RANBP2: variants seen among roughly 807,000 people sequenced by gnomAD.
RANBP2 encodes the protein RAN binding protein 2.
A neutral mutation model predicts 303.6 loss-of-function variants in RANBP2; 57 were observed. The ratio of observed to expected loss-of-function variants is 0.19; its 90% CI spans 0.15 to 0.23. The LOEUF (loss-of-function observed/expected upper bound fraction) is 0.23. RANBP2 is among the 10% of genes least tolerant of loss of function. The pLI, the probability that RANBP2 is intolerant of heterozygous loss-of-function variation, is 1.00. For missense variants in RANBP2, 3,138 were observed against 3,780.8 expected (o/e 0.83, Z 4.46); for synonymous variants, 1,167 against 1,301.5 (o/e 0.90, Z 2.23).
chr2:109,475,542 C>T, the RANBP2 span, among the ~76,000 whole-genome samples: 2 of 152,214 alleles, frequency 1.3e-5, no homozygotes, highest in South Asian at 4.1e-4. Flanking sequence ...TGGGTGGGGA[C>T]AGGGACATAT....
the RANBP2 span, among the ~76,000 whole-genome samples, chr2:109,037,059 G>T: frequency 6.6e-6 from 1 of 152,016 alleles, no homozygotes; most frequent in Non-Finnish European, 1.5e-5. Flanking sequence ...GTGGGTGGGA[G>T]AATTGCTTGA....
the RANBP2 span, among the ~76,000 whole-genome samples, chr2:109,210,635 C>T: frequency 1.3e-5 from 2 of 152,104 alleles, no homozygotes; most frequent in Non-Finnish European, 2.9e-5. Context: ...CTGGTGGGGC[C>T]TGGAGTAAGG....
At chr2:108,815,667 G>A in the RANBP2 span, among the ~76,000 whole-genome samples, 2 of 151,790 alleles carry the variant, frequency 1.3e-5, no homozygotes, top group South Asian at 4.2e-4. Flanking sequence ...TTGCCATGTT[G>A]GACAGGCTGG....
chr2:109,712,092 A>G, the RANBP2 span, among the ~76,000 whole-genome samples: 1 of 152,166 alleles, frequency 6.6e-6, no homozygotes, highest in South Asian at 2.1e-4. Context: ...ACAAATTGCT[A>G]TTGACTGCTG....
At chr2:109,066,132 A>G in the RANBP2 span, among the ~76,000 whole-genome samples, 1 of 149,344 alleles carries the variant, frequency 6.7e-6, no homozygotes, top group Non-Finnish European at 1.5e-5. Context: ...TTTCTGAGAC[A>G]TAGTATCGCT....
the RANBP2 span, among the ~76,000 whole-genome samples, chr2:109,652,107 A>G: frequency 1.3e-5 from 2 of 152,152 alleles, no homozygotes; most frequent in Non-Finnish European, 2.9e-5. Context: ...AGACCCTTCC[A>G]TCATTGGCAG....
chr2:108,839,743 CTAGTTTTA>C, the RANBP2 span, among the ~76,000 whole-genome samples: 1 of 151,532 alleles, frequency 6.6e-6, no homozygotes, highest in East Asian at 1.9e-4. Context: ...CCTGAGCTTA[CTAGTTTTA>C]GGAGTTTTCT....
At chr2:109,123,319 T>TTTCTTTCC in the RANBP2 span, among the ~76,000 whole-genome samples, 27 of 130,064 alleles carry the variant, frequency 2.1e-4, no homozygotes, top group East Asian at 1.4e-3. Context: ...CTTTTCTTTC[T>TTTCTTTCC]TTCCTTCCTT....
the RANBP2 span, among the ~76,000 whole-genome samples, chr2:109,179,406 C>T: frequency 2.0e-5 from 3 of 152,100 alleles, no homozygotes; most frequent in African/African-American, 7.2e-5. Flanking sequence ...AGTGGTGGCT[C>T]GGAGCTGGGG....
At chr2:109,064,095 T>C in the RANBP2 span, among the ~76,000 whole-genome samples, 2 of 152,218 alleles carry the variant, frequency 1.3e-5, no homozygotes, top group African/African-American at 4.8e-5. Context: ...TGTCTGTATC[T>C]TTTTTAATCC....
chr2:109,384,229 G>A, the RANBP2 span, among the ~76,000 whole-genome samples: 3 of 152,154 alleles, frequency 2.0e-5, no homozygotes, highest in Non-Finnish European at 4.4e-5. Flanking sequence ...CCTGAATGAA[G>A]CAGAGGAGAA....
At chr2:108,863,463 C>G in the RANBP2 span, among the ~76,000 whole-genome samples, 2 of 152,148 alleles carry the variant, frequency 1.3e-5, no homozygotes, top group Non-Finnish European at 2.9e-5. Flanking sequence ...GTAGCTGAAG[C>G]AGAGTTAGTG....
At chr2:109,058,407 G>A in the RANBP2 span, among the ~76,000 whole-genome samples, 109,198 of 152,154 alleles carry the variant, frequency 0.72, 42,554 homozygotes, top group Non-Finnish European at 0.89. Context: ...TCACAGCGCC[G>A]TGAGCTTACC....
At chr2:108,821,119 AGGCTAAGGTAGGT>A in the RANBP2 span, among the ~76,000 whole-genome samples, 153 of 152,302 alleles carry the variant, frequency 1.0e-3, no homozygotes, top group African/African-American at 3.4e-3. Context: ...GCACTTTAGG[AGGCTAAGGTAGGT>A]GGATCACCTG....
the RANBP2 span, among the ~76,000 whole-genome samples, chr2:109,676,610 T>C: frequency 1.3e-5 from 2 of 152,166 alleles, no homozygotes; most frequent in Non-Finnish European, 2.9e-5. Context: ...GGAAACTTGC[T>C]GAAGGAGGGG....
chr2:109,429,665 C>T, the RANBP2 span, among the ~76,000 whole-genome samples: 4 of 152,190 alleles, frequency 2.6e-5, no homozygotes, highest in Non-Finnish European at 5.9e-5. Context: ...GCCGCGCTGA[C>T]AGCTCCAGCA....
the RANBP2 span, among the ~76,000 whole-genome samples, chr2:109,587,255 T>C: frequency 6.6e-6 from 1 of 152,128 alleles, no homozygotes; most frequent in South Asian, 2.1e-4. Context: ...GTAAAAAATA[T>C]ATTTAGTACT....
At chr2:108,792,498 C>T in the RANBP2 span, among the ~76,000 whole-genome samples, 3 of 152,056 alleles carry the variant, frequency 2.0e-5, no homozygotes, top group African/African-American at 7.2e-5. Context: ...ACTTTTGCAC[C>T]AACCTCATAT....
At chr2:109,202,586 T>A in the RANBP2 span, among the ~76,000 whole-genome samples, 2 of 152,170 alleles carry the variant, frequency 1.3e-5, no homozygotes, top group Non-Finnish European at 2.9e-5. Flanking sequence ...CTTTAAAAAT[T>A]GAGAATTCCT....
Sources: gnomAD v4.1 joint callset for allele counts (sites outside exome capture counted in the v4.1 genomes callset) on GRCh38, gnomAD v4.1.1 for gene constraint, MANE v1.5 for transcripts, NCBI Gene and HGNC (gene_info 2026-07-23, HGNC 2026-07-21) for gene names.